NKAIN3: variants seen among roughly 807,000 people sequenced by gnomAD.
NKAIN3 encodes sodium/potassium-transporting ATPase subunit beta-1-interacting protein 3.
NKAIN3 carries 25 observed loss-of-function variants against 30.2 expected under a neutral mutation model. That is an observed-to-expected ratio of 0.83 (90% CI 0.60 to 1.16). The LOEUF (loss-of-function observed/expected upper bound fraction) is 1.16, where lower values mean the gene tolerates loss of function less well. Ranked by LOEUF, NKAIN3 falls within the 50% of genes most tolerant of loss-of-function variation. NKAIN3 has a pLI of 0.00. For missense variants in NKAIN3, 225 were observed against 254.1 expected, an observed-to-expected ratio of 0.89 and a Z score of 0.78; for synonymous variants, 91 against 89.6, an observed-to-expected ratio of 1.02 and a Z score of -0.09.
chr8:62,499,810 G>GTTTC (rs1162743144), intron 1 of NKAIN3, among the ~76,000 whole-genome samples: 4 of 26,146 alleles, frequency 1.5e-4, no homozygotes, highest in East Asian at 8.4e-4. Flanking sequence ...GATCAGGTTT[G>GTTTC]TTTGTTTGTT....
intron 1 of NKAIN3, among the ~76,000 whole-genome samples, chr8:62,348,688 G>A (rs1585709709): frequency 1.3e-5 from 2 of 152,248 alleles, no homozygotes; most frequent in Middle Eastern, 3.4e-3. Flanking sequence ...ATTTTAAGAT[G>A]AACCCTAATA....
At chr8:62,591,637 A>G (rs1054031969) in intron 3 of NKAIN3, among the ~76,000 whole-genome samples, 1 of 152,046 alleles carries the variant, frequency 6.6e-6, no homozygotes, top group Non-Finnish European at 1.5e-5. Flanking sequence ...ACATGGACAT[A>G]GTAGTCCTGG....
chr8:62,340,449 A>G (rs1411598856), intron 1 of NKAIN3, among the ~76,000 whole-genome samples: 1 of 151,842 alleles, frequency 6.6e-6, no homozygotes, highest in Non-Finnish European at 1.5e-5. Context: ...TCTAGTTTTT[A>G]TGGCCTGCTT....
chr8:62,670,193 C>T (rs924185229), intron 3 of NKAIN3, among the ~76,000 whole-genome samples: 11 of 152,100 alleles, frequency 7.2e-5, no homozygotes, highest in African/African-American at 2.7e-4. Context: ...TTAAAGAAAT[C>T]AGCCGTTCTC....
At chr8:62,359,177 G>A (rs951707879) in intron 1 of NKAIN3, among the ~76,000 whole-genome samples, 1 of 152,120 alleles carries the variant, frequency 6.6e-6, no homozygotes, top group African/African-American at 2.4e-5. Context: ...GCGAGACTCC[G>A]TATCAAAATA....
chr8:62,358,720 G>C (rs771289353), intron 1 of NKAIN3, among the ~76,000 whole-genome samples: 12 of 152,100 alleles, frequency 7.9e-5, no homozygotes, highest in Non-Finnish European at 1.0e-4. Context: ...CCAATTGCTT[G>C]TGTAAGTGGC....
At chr8:62,731,371 T>C (rs1467538647) in intron 3 of NKAIN3, among the ~76,000 whole-genome samples, 2 of 152,204 alleles carry the variant, frequency 1.3e-5, no homozygotes, top group Non-Finnish European at 2.9e-5. Flanking sequence ...TCTTTGATAT[T>C]ATAACTGTCT....
At chr8:62,697,342 C>T (rs546655992) in intron 3 of NKAIN3, among the ~76,000 whole-genome samples, 2 of 152,310 alleles carry the variant, frequency 1.3e-5, no homozygotes, top group South Asian at 4.1e-4. Flanking sequence ...GCACGCCTGC[C>T]TCAGGGCCTT....
chr8:62,742,071 CA>C (rs1173512567), intron 3 of NKAIN3, among the ~76,000 whole-genome samples: 2 of 151,848 alleles, frequency 1.3e-5, no homozygotes, highest in African/African-American at 2.4e-5. Flanking sequence ...CTCTTTTTCA[CA>C]AAAGGCAGAT....
rs73255085 is a variant in NKAIN3 at position 62,583,724 on chromosome 8, G to A, written c.192+4048G>A. Among the ~76,000 whole-genome samples, 920 of 152,248 alleles carry A rather than the reference G, an allele frequency of 6.0e-3. 8 individuals carry two copies. The highest frequency in any genetic ancestry group is 0.021 in the African/African-American group (876 of 41,548). ...TCACTGGCAGATTCCAGATGATAAT[G>A]TTACCATTGTCAGTATAAGTTGTGA... On this transcript the variant is annotated intron_variant, in intron 2 of 6. Transcript: ENST00000623646.
At position 62,796,974 on chromosome 8, in the gene NKAIN3, C is replaced by G. The variant is rs1219116248; in HGVS notation, c.471+49845C>G. 2.6e-5 allele frequency among the ~76,000 whole-genome samples: 4 copies of G among 152,168 alleles called. No homozygotes were observed. In the East Asian group the frequency reaches 7.7e-4, roughly 29 times the overall value. ...GTATTTTAGACTAACTTAAAGACAGCATGAAGTGCTCTCTGATTCCATTTG... is the reference window on the plus strand; with the variant it reads ...GTATTTTAGACTAACTTAAAGACAGGATGAAGTGCTCTCTGATTCCATTTG... On this transcript the variant is annotated intron_variant, in intron 4 of 6. Coordinates refer to ENST00000623646, the MANE Select transcript of NKAIN3 (RefSeq NM_001304533.3).
intron 3 of NKAIN3, among the ~76,000 whole-genome samples, chr8:62,619,844 C>T (rs1811570243): frequency 6.6e-6 from 1 of 152,090 alleles, no homozygotes; most frequent in Non-Finnish European, 1.5e-5. Context: ...TCCAAAACAA[C>T]AATCAACACC....
At chr8:62,852,137 G>C (rs1218765786) in intron 4 of NKAIN3, among the ~76,000 whole-genome samples, 1 of 152,166 alleles carries the variant, frequency 6.6e-6, no homozygotes, top group African/African-American at 2.4e-5. Context: ...TTCAGAGCCT[G>C]TTATTGGTCT....
intron 1 of NKAIN3, among the ~76,000 whole-genome samples, chr8:62,342,207 T>C (rs2129591009): frequency 8.6e-6 from 1 of 116,262 alleles, no homozygotes; most frequent in Middle Eastern, 6.9e-3. Context: ...TTTTAAAACT[T>C]AAGAATTGCA....
chr8:62,610,087 T>G (rs971275143), intron 3 of NKAIN3, among the ~76,000 whole-genome samples: 1 of 152,088 alleles, frequency 6.6e-6, no homozygotes, highest in African/African-American at 2.4e-5. Flanking sequence ...GGCTCATGCC[T>G]ATAATCCCAG....
In NKAIN3 at chr8:62,968,262, T is replaced by C. The variant is rs12056369; in HGVS notation, c.*2855T>C. Among the ~76,000 whole-genome samples, 17,721 of 152,178 alleles carry C rather than the reference T, an allele frequency of 0.12. 1,178 individuals carry two copies. Among genetic ancestry groups the C allele is most frequent in the East Asian group, 0.22 (1,119 of 5,140 alleles). On this transcript the variant is annotated 3_prime_UTR_variant, in exon 7 of 7. Coordinates refer to ENST00000623646, the MANE Select transcript of NKAIN3 (RefSeq NM_001304533.3). ...AAGTGCAGAGTTGTACAGTAATACT[T>C]GGCAATTACCCGTTAATCTGGGTAA...
intron 3 of NKAIN3, among the ~76,000 whole-genome samples, chr8:62,677,043 G>A (rs919743029): frequency 2.0e-5 from 3 of 152,066 alleles, no homozygotes; most frequent in African/African-American, 7.2e-5. Flanking sequence ...TAAGTATGAT[G>A]CATAAGTGCT....
intron 4 of NKAIN3, among the ~76,000 whole-genome samples, chr8:62,870,214 A>ATT: frequency 1.5e-5 from 1 of 67,390 alleles, no homozygotes. Flanking sequence ...TTTTGTATAT[A>ATT]TATATCTATA....
intron 4 of NKAIN3, among the ~76,000 whole-genome samples, chr8:62,907,235 C>A (rs990202952): frequency 6.6e-6 from 1 of 152,144 alleles, no homozygotes; most frequent in East Asian, 1.9e-4. Flanking sequence ...AATTTCTAAG[C>A]AACAAAGCAT....
Sources: allele counts gnomAD v4.1 joint callset (sites outside exome capture counted in the v4.1 genomes callset), GRCh38; gene constraint gnomAD v4.1.1; transcripts MANE v1.5; gene names NCBI Gene and HGNC (gene_info 2026-07-23, HGNC 2026-07-21).